P2RX4: variants seen among roughly 807,000 people sequenced by gnomAD.
P2RX4 encodes P2X purinoceptor 4.
P2RX4 carries 37 observed loss-of-function variants against 48.0 expected under a neutral mutation model. The ratio of observed to expected loss-of-function variants is 0.77; its 90% confidence interval spans 0.59 to 1.01. The LOEUF is 1.01. P2RX4 is among the 50% of genes least tolerant of loss of function. The probability of loss-of-function intolerance (pLI) is 0.00; values close to 1 mark genes in which losing one functional copy is unlikely to be tolerated. For missense variants in P2RX4, 501 were observed against 521.4 expected (o/e 0.96, Z 0.38); for synonymous variants, 200 against 199.7 (o/e 1.00, Z -0.01).
Position 121,230,914 on chromosome 12 carries a change from ATATATG to A in P2RX4, c.885-1488_885-1483del, listed in dbSNP as rs912195938. Among the ~76,000 whole-genome samples, 229 of 147,170 alleles carry A rather than the reference ATATATG, an allele frequency of 1.6e-3. 1 individual carries two copies. The highest frequency in any genetic ancestry group is 5.7e-3 in the African/African-American group (223 of 38,956). The stretch of plus-strand genomic sequence containing the variant: ...CGCGTGCTCGCTCTCTCTCTCTCTC[ATATATG>A]TATATGTATATATGTGTATATATAT... On this transcript the variant is annotated intron_variant, in intron 8 of 11. Coordinates refer to ENST00000337233, the MANE Select transcript of P2RX4 (RefSeq NM_002560.3).
chr12:121,214,549 C>T (rs1886097862), intron 1 of P2RX4: 1 of 152,122 alleles, frequency 6.6e-6, no homozygotes, highest in Admixed American at 6.6e-5. Flanking sequence ...TGGCATGAAA[C>T]CCTGTGTCTC....
At chr12:121,217,845 C>T (rs185128279) in intron 2 of P2RX4, among the ~76,000 whole-genome samples, 21 of 151,800 alleles carry the variant, frequency 1.4e-4, no homozygotes, top group African/African-American at 5.1e-4. Context: ...ACAGAGACAG[C>T]AGCACAGGAC....
At chr12:121,219,578 T>C (rs1380736212) in intron 2 of P2RX4, among the ~76,000 whole-genome samples, 1 of 62,606 alleles carries the variant, frequency 1.6e-5, no homozygotes, top group Non-Finnish European at 3.5e-5. Flanking sequence ...GGATGGGTGG[T>C]GGATGGATGG....
At chr12:121,219,656 G>A (rs1211685544) in intron 2 of P2RX4, among the ~76,000 whole-genome samples, 1 of 142,778 alleles carries the variant, frequency 7.0e-6, no homozygotes, top group Non-Finnish European at 1.5e-5. Flanking sequence ...TAGATAGATA[G>A]ATGGAAAGAA....
At chr12:121,230,830 GTA>G (rs1887294471) in intron 8 of P2RX4, among the ~76,000 whole-genome samples, 1 of 152,062 alleles carries the variant, frequency 6.6e-6, no homozygotes, top group Admixed American at 6.6e-5. Flanking sequence ...GCAGCAGATG[GTA>G]TGTCTTGACG....
At chr12:121,225,024 C>T (rs190063273) in intron 5 of P2RX4, among the ~76,000 whole-genome samples, 5 of 151,490 alleles carry the variant, frequency 3.3e-5, no homozygotes, top group East Asian at 3.9e-4. Context: ...TGGCTGGGTC[C>T]GAAAGGAGAT....
rs377180071 is a variant in P2RX4 at position 121,229,057 on chromosome 12, C to T, written c.842C>T (p.Thr281Ile). The T allele has an allele frequency of 4.3e-5, 69 of 1,614,122 alleles. No individual in the cohort carries two copies. The South Asian group carries it at 7.1e-4, about 17-fold the overall frequency. ...LPRYSFRRLD[T>I]RDVEHNVSPG... is the part of the protein sequence containing the mutation. ...AGGTACTCCTTCCGCCGCCTCGATA[C>T]ACGGGACGTTGAGCACAACGTATCT... The change falls in exon 8 of 12, where the codon ACA becomes ATA. Residue 281 changes from threonine to isoleucine, a missense_variant. Thr to Ile is a moderately conservative substitution (Grantham distance 89, BLOSUM62 -1). Transcript: ENST00000337233. The surrounding 1 kb of genome is among the most constrained non-coding windows in gnomAD (Gnocchi z 4.6).
chr12:121,233,797 C>T lies in P2RX4; in HGVS notation c.*248C>T. 4 of 847,378 alleles carry T rather than the reference C, an allele frequency of 4.7e-6. No individual in the cohort carries two copies. The highest frequency in any genetic ancestry group is 2.9e-5 in the East Asian group (1 of 34,904). The allele number at this position is 847,378 out of a possible 1,614,324, so 52.5% of individuals were successfully genotyped here. On this transcript the variant is annotated 3_prime_UTR_variant, in exon 12 of 12. Coordinates refer to ENST00000337233, the MANE Select transcript of P2RX4 (RefSeq NM_002560.3). ...TGCTTTTCCCGCAACCTGGGGTTGT[C>T]GGGGGAGCGCTGGCCCGACGCAGTG... is the stretch of plus-strand genomic sequence containing the variant.
At chr12:121,230,518 G>A (rs1010173330) in intron 8 of P2RX4, among the ~76,000 whole-genome samples, 1 of 152,252 alleles carries the variant, frequency 6.6e-6, no homozygotes, top group African/African-American at 2.4e-5. Context: ...GTAATTGTGG[G>A]ATCTGCTGTC....
chr12:121,214,985 A>T (rs1054805002), intron 1 of P2RX4: 2 of 152,014 alleles, frequency 1.3e-5, no homozygotes, highest in African/African-American at 4.8e-5. Flanking sequence ...GGGGTTTCAC[A>T]ATGTTGGCCA....
intron 1 of P2RX4, chr12:121,212,806 ATATATATATATATATATAT>A (rs1885951745): frequency 3.3e-5 from 1 of 30,306 alleles, no homozygotes; most frequent in Non-Finnish European, 6.2e-5. Context: ...ATATATATAT[ATATATATATATATATATAT>A]TTTTTTTTTT....
chr12:121,227,375 A>G (rs1210026212), intron 5 of P2RX4, among the ~76,000 whole-genome samples: 1 of 152,246 alleles, frequency 6.6e-6, no homozygotes, highest in Non-Finnish European at 1.5e-5. Flanking sequence ...TTCAACTTGT[A>G]TTGTCAGCCA....
Position 121,233,793 on chromosome 12 carries a change from T to C in P2RX4, c.*244T>C. On this transcript the variant is annotated 3_prime_UTR_variant, in exon 12 of 12. Transcript: ENST00000337233. ...ACTCTGCTTTTCCCGCAACCTGGGGTTGTCGGGGGAGCGCTGGCCCGACGC... is the reference window on the plus strand; with the variant it reads ...ACTCTGCTTTTCCCGCAACCTGGGGCTGTCGGGGGAGCGCTGGCCCGACGC... 1 of 899,974 alleles carries C rather than the reference T, an allele frequency of 1.1e-6. No homozygotes were observed. Among genetic ancestry groups the C allele is most frequent in the Non-Finnish European group, 1.6e-6 (1 of 614,964 alleles). The allele number at this position is 899,974 out of a possible 1,614,324, so 55.7% of individuals were successfully genotyped here.
Position 121,228,946 on chromosome 12 carries a change from C to T in P2RX4, c.748-17C>T. ...TGCTGAGGAAAGCCTTGCCGTGTCT[C>T]TGCTGCTCATCCCCAGGGAGGCATC... On this transcript the variant is annotated splice_polypyrimidine_tract_variant and intron_variant, in intron 7 of 11. Coordinates refer to ENST00000337233, the MANE Select transcript of P2RX4 (RefSeq NM_002560.3). 1 of 1,614,134 alleles carries T rather than the reference C, an allele frequency of 6.2e-7. No individual in the cohort carries two copies. The highest frequency in any genetic ancestry group is 8.5e-7 in the Non-Finnish European group (1 of 1,180,012).
At chr12:121,231,119 C>G (rs1887331115) in intron 8 of P2RX4, among the ~76,000 whole-genome samples, 1 of 151,590 alleles carries the variant, frequency 6.6e-6, no homozygotes, top group Admixed American at 6.6e-5. Context: ...GCCTGAGTAG[C>G]TGGGATTACA....
chr12:121,215,365 A>G (rs1042070800), intron 1 of P2RX4: 1 of 152,124 alleles, frequency 6.6e-6, no homozygotes, highest in African/African-American at 2.4e-5. Context: ...ATGCCTCGTG[A>G]ATGGTGGAGC....
chr12:121,221,625 C>T (rs60321717), intron 2 of P2RX4, among the ~76,000 whole-genome samples: 3,883 of 149,890 alleles, frequency 0.026, 180 homozygotes, highest in African/African-American at 0.09. Flanking sequence ...GAACTCCTGA[C>T]CTCGTGATCC....
At position 121,233,045 on chromosome 12, in the gene P2RX4, C is replaced by T. The variant is rs957631059; in HGVS notation, c.1093C>T (p.Leu365Phe). ...AGTCCTCTACTGCATGAAGAAAAGA[C>T]TCTACTATCGGGAGAAGAAATATAA... is the stretch of plus-strand genomic sequence containing the variant. ...IIVLYCMKKRLYYREKKYKYV... is the reference protein window; with the variant it reads ...IIVLYCMKKRFYYREKKYKYV... Residue 365 changes from leucine to phenylalanine, a missense_variant, in exon 11 of 12, where the codon CTC (leucine) becomes TTC (phenylalanine). Leu to Phe is a conservative substitution (Grantham distance 22). Coordinates refer to ENST00000337233, the MANE Select transcript of P2RX4 (RefSeq NM_002560.3). 2 of 1,613,902 alleles carry T rather than the reference C, an allele frequency of 1.2e-6. No homozygotes were observed. Among genetic ancestry groups the T allele is most frequent in the Non-Finnish European group, 1.7e-6 (2 of 1,179,796 alleles).
Position 121,233,845 on chromosome 12 carries a change from T to A in P2RX4, c.*296T>A. 1.9e-6 allele frequency: 1 copy of A among 520,890 alleles called. No individual in the cohort carries two copies. The highest frequency in any genetic ancestry group is 3.4e-6 in the Non-Finnish European group (1 of 295,888). The allele number at this position is 520,890 out of a possible 1,614,324, so 32.3% of individuals were successfully genotyped here. On this transcript the variant is annotated 3_prime_UTR_variant, in exon 12 of 12. Transcript: ENST00000337233. The stretch of plus-strand genomic sequence containing the variant: ...GTGGCACTGCTGTGGCTTTCAGGGC[T>A]GGAGCTGGCTTTGCTCAGAAGCCTC...
Sources: gnomAD v4.1 joint callset for allele counts (sites outside exome capture counted in the v4.1 genomes callset) on GRCh38, gnomAD v4.1.1 for gene constraint, Gnocchi (gnomAD v3.1) non-coding constraint, MANE v1.5 for transcripts, NCBI Gene and HGNC (gene_info 2026-07-23, HGNC 2026-07-21) for gene names.